The following PRDM5 variants were observed in gnomAD, a reference collection of about 807,000 sequenced individuals.
The protein encoded by PRDM5 is PR/SET domain 5.
A neutral mutation model predicts 81.2 loss-of-function variants in PRDM5; 56 were observed. The ratio of observed to expected loss-of-function variants is 0.69; its 90% confidence interval spans 0.56 to 0.86. PRDM5 has a LOEUF of 0.86. Ranked by LOEUF, PRDM5 falls within the 40% of genes least tolerant of loss-of-function variation. The pLI is 0.00. For missense variants in PRDM5, 697 were observed against 770.1 expected (o/e 0.91, Z 1.12); for synonymous variants, 267 against 256.4 (o/e 1.04, Z -0.39).
chr4:120,759,692 C>G (rs886691249), intron 13 of PRDM5, among the ~76,000 whole-genome samples: 1 of 152,164 alleles, frequency 6.6e-6, no homozygotes, highest in Non-Finnish European at 1.5e-5. Flanking sequence ...GAACACAGGT[C>G]ACAGTCAGTA....
intron 2 of PRDM5, among the ~76,000 whole-genome samples, chr4:120,907,095 G>T (rs1765885464): frequency 6.6e-6 from 1 of 151,784 alleles, no homozygotes; most frequent in Non-Finnish European, 1.5e-5. Context: ...AGCACTCTGG[G>T]AGGCCGAGAC....
At chr4:120,821,081 T>C in intron 4 of PRDM5, 90 bp downstream of exon 4, 1 of 1,423,862 alleles carries the variant, frequency 7.0e-7, no homozygotes. Flanking sequence ...GAATGCCATA[T>C]TACAAGGCAA....
chr4:120,833,350 G>A (rs1324333253), intron 3 of PRDM5, among the ~76,000 whole-genome samples: 1 of 151,870 alleles, frequency 6.6e-6, no homozygotes, highest in Admixed American at 6.6e-5. Context: ...TAGCCTTCTC[G>A]GTTATCAGAC....
chr4:120,899,983 G>A (rs1248951452), intron 2 of PRDM5, among the ~76,000 whole-genome samples: 1 of 152,158 alleles, frequency 6.6e-6, no homozygotes, highest in African/African-American at 2.4e-5. Flanking sequence ...ACAGCCAGAT[G>A]GGAGAGATGC....
chr4:120,688,301 A>G (rs192610736), downstream of PRDM5, among the ~76,000 whole-genome samples: 22 of 151,920 alleles, frequency 1.4e-4, no homozygotes, highest in Non-Finnish European at 2.2e-4. Context: ...TGTCTACTCA[A>G]GTCCTTTGTC....
At chr4:120,875,615 A>T (rs1482014405) in intron 2 of PRDM5, among the ~76,000 whole-genome samples, 1 of 152,204 alleles carries the variant, frequency 6.6e-6, no homozygotes, top group Non-Finnish European at 1.5e-5. Context: ...AACAAGCCAA[A>T]GCTAGATTTC....
At chr4:120,763,165 T>A (rs2149183823) in intron 13 of PRDM5, among the ~76,000 whole-genome samples, 1 of 152,224 alleles carries the variant, frequency 6.6e-6, no homozygotes, top group East Asian at 1.9e-4. Flanking sequence ...GACATGAGGT[T>A]CATTGGGAAG....
chr4:120,715,262 T>A (rs534907668), intron 14 of PRDM5, among the ~76,000 whole-genome samples: 1 of 152,312 alleles, frequency 6.6e-6, no homozygotes, highest in Admixed American at 6.5e-5. Flanking sequence ...AGTTCAGATG[T>A]TTTCTGTTTG....
chr4:120,815,058 T>C (rs1754308377), intron 7 of PRDM5, among the ~76,000 whole-genome samples: 2 of 152,204 alleles, frequency 1.3e-5, no homozygotes, highest in South Asian at 4.2e-4. Flanking sequence ...AGAATGCAAG[T>C]CTCCAGAGTT....
chr4:120,767,609 C>T (rs1218444523), intron 13 of PRDM5, among the ~76,000 whole-genome samples: 1 of 152,118 alleles, frequency 6.6e-6, no homozygotes, highest in Non-Finnish European at 1.5e-5. Flanking sequence ...AATTAGTAAC[C>T]ATTTCCTAGA....
intron 12 of PRDM5, among the ~76,000 whole-genome samples, chr4:120,779,749 A>C (rs150994863): frequency 0.21 from 31,595 of 151,988 alleles, 3,773 homozygotes; most frequent in Non-Finnish European, 0.28. Flanking sequence ...TAAAAATACA[A>C]AAAATTAGCC....
chr4:120,728,449 A>T (rs530195468), intron 14 of PRDM5, among the ~76,000 whole-genome samples: 40 of 152,216 alleles, frequency 2.6e-4, no homozygotes, highest in African/African-American at 9.4e-4. Context: ...GTGTATATAT[A>T]CATATATATA....
At chr4:120,717,120 ATAAAT>A (rs1451615755) in intron 14 of PRDM5, among the ~76,000 whole-genome samples, 6 of 151,726 alleles carry the variant, frequency 4.0e-5, no homozygotes, top group Non-Finnish European at 8.8e-5. Context: ...AATATGTAGT[ATAAAT>A]TATACACTTT....
intron 1 of PRDM5, among the ~76,000 whole-genome samples, chr4:120,912,551 T>C (rs1766641155): frequency 6.6e-6 from 1 of 152,176 alleles, no homozygotes; most frequent in South Asian, 2.1e-4. Context: ...AAATGTAATA[T>C]GTAGTCTTTG....
rs186967474 is a variant in PRDM5 at position 120,878,986 on chromosome 4, A to T, written c.178-25446T>A. ...TTTGGAAGACACTTTGACAGTTTCTAACAAAACTAAACATACTCTTACCAT... is the reference window on the plus strand; with the variant it reads ...TTTGGAAGACACTTTGACAGTTTCTTACAAAACTAAACATACTCTTACCAT... On this transcript the variant is annotated intron_variant, in intron 2 of 15. Coordinates refer to ENST00000264808, the MANE Select transcript of PRDM5 (RefSeq NM_018699.4). 1.8e-4 allele frequency among the ~76,000 whole-genome samples: 28 copies of T among 152,288 alleles called. No individual in the cohort carries two copies. In the East Asian group the frequency reaches 4.6e-3, roughly 25 times the overall value.
chr4:120,752,827 T>C (rs1744200721), intron 14 of PRDM5, among the ~76,000 whole-genome samples: 1 of 152,204 alleles, frequency 6.6e-6, no homozygotes, highest in Admixed American at 6.5e-5. Flanking sequence ...CATAGAGTTG[T>C]TGTGAAGCTT....
chr4:120,833,538 C>T (rs1222853201), intron 3 of PRDM5, among the ~76,000 whole-genome samples: 1 of 152,104 alleles, frequency 6.6e-6, no homozygotes, highest in Non-Finnish European at 1.5e-5. Flanking sequence ...CATTAATATG[C>T]TGAGATTGAT....
rs387907110 is a variant in PRDM5 at position 120,695,236 on chromosome 4, G to A, written c.1768C>T (p.Arg590Ter). ...LAFSLKKMLI[R>*]HKMTHNPNRP... ...TTGGGATTATGAGTCATCTTGTGTC[G>A]AATCAGCATTTTCTTCAGGCTAAAA... Residue 590 changes from arginine (R) to a stop codon, truncating the protein, a stop_gained, in exon 16 of 16, where the codon CGA (arginine) becomes TGA (stop). Coordinates refer to ENST00000264808, the MANE Select transcript of PRDM5 (RefSeq NM_018699.4). LOFTEE classifies it high-confidence loss of function. The A allele has an allele frequency of 7.4e-6, 12 of 1,613,322 alleles. No homozygotes were observed. The highest frequency in any genetic ancestry group is 1.3e-5 in the African/African-American group (1 of 74,874).
intron 4 of PRDM5, among the ~76,000 whole-genome samples, chr4:120,819,269 A>G (rs1345016773): frequency 6.6e-6 from 1 of 152,226 alleles, no homozygotes; most frequent in East Asian, 1.9e-4. Context: ...CCCATTTAAC[A>G]TCTTCTCAAG....
Sources: gnomAD v4.1 joint callset for allele counts (sites outside exome capture counted in the v4.1 genomes callset) on GRCh38, gnomAD v4.1.1 for gene constraint, MANE v1.5 for transcripts, NCBI Gene and HGNC (gene_info 2026-07-23, HGNC 2026-07-21) for gene names.